SLC26A6: variants seen among roughly 807,000 people sequenced by gnomAD.
SLC26A6 encodes anion exchange transporter.
SLC26A6 carries 67 observed loss-of-function variants against 87.1 expected under a neutral mutation model. The observed-to-expected ratio is 0.77, with a 90% confidence interval of 0.63 to 0.94. The LOEUF is 0.94. Among genes scored for constraint, SLC26A6 ranks in the 40% least tolerant of loss-of-function variants. The probability of loss-of-function intolerance (pLI) is 0.00; values close to 1 mark genes in which losing one functional copy is unlikely to be tolerated. For missense variants in SLC26A6, 902 were observed against 973.0 expected, an observed-to-expected ratio of 0.93 and a Z score of 0.97; for synonymous variants, 414 against 405.9, an observed-to-expected ratio of 1.02 and a Z score of -0.24.
chr3:48,632,153 C>T (rs1004717726), intron 5 of SLC26A6, 92 bp downstream of exon 5: 27 of 1,576,840 alleles, frequency 1.7e-5, no homozygotes, highest in Non-Finnish European at 2.2e-5. Flanking sequence ...AAGAGGAGGA[C>T]GACGATGGTC....
Position 48,628,528 on chromosome 3 carries a change from A to G in SLC26A6, c.1706T>C (p.Val569Ala). The G allele has an allele frequency of 6.2e-7, 1 of 1,614,052 alleles. No individual in the cohort carries two copies. The highest frequency in any genetic ancestry group is 8.5e-7 in the Non-Finnish European group (1 of 1,179,982). Residue 569 changes from valine (V) to alanine (A), a missense_variant, in exon 16 of 21, where the codon GTC (valine) becomes GCC (alanine). Around this residue, in one of 3 missense-constraint regions of SLC26A6, gnomAD observed 800 missense variants for 856.8 expected, o/e 0.93. Transcript: ENST00000395550. This position sits in a 1 kb window ranked among gnomAD's most constrained non-coding sequence, Gnocchi z 4.4. The part of the protein sequence containing the change: ...DALKQRCGVD[V>A]DFLISQKKKL... The stretch of plus-strand genomic sequence containing the variant: ...CTTCTTCTGGGAGATGAGGAAGTCG[A>G]CATCCACACCACACTGGAGGCAAAC...
chr3:48,627,461 T>C (rs1440282891), intron 17 of SLC26A6: 2 of 203,034 alleles, frequency 9.9e-6, no homozygotes, highest in East Asian at 1.4e-4. Flanking sequence ...GCATCCTCTT[T>C]GACCCCTCAA....
Position 48,628,606 on chromosome 3 carries a change from G to A in SLC26A6, c.1692+16C>T. On this transcript the variant is annotated intron_variant, in intron 15 of 20. Transcript: ENST00000395550. This position sits in a 1 kb window ranked among gnomAD's most constrained non-coding sequence, Gnocchi z 4.4. Reference sequence around the variant, plus strand: ...GGAGCTGGGGCCTGACACCCATCCTGGGGACTCCGTCTCACCCTCTGCTTC... The same window carrying A: ...GGAGCTGGGGCCTGACACCCATCCTAGGGACTCCGTCTCACCCTCTGCTTC... 1 of 1,613,950 alleles carries A rather than the reference G, an allele frequency of 6.2e-7. No individual in the cohort carries two copies. Among genetic ancestry groups the A allele is most frequent in the Non-Finnish European group, 8.5e-7 (1 of 1,179,986 alleles).
Position 48,626,611 on chromosome 3 carries a change from G to A in SLC26A6, c.2128+20C>T, listed in dbSNP as rs752300074. On this transcript the variant is annotated intron_variant, in intron 19 of 20. Coordinates refer to ENST00000395550, the MANE Select transcript of SLC26A6 (RefSeq NM_022911.3). ...CCTACCCTCTTCCCAGGTCCCTCCT[G>A]CTGTTCCCACCCTACTCACTGTGGC... 1.2e-6 allele frequency: 2 copies of A among 1,614,086 alleles called. No homozygotes were observed. The highest frequency in any genetic ancestry group is 1.7e-5 in the Admixed American group (1 of 60,024).
chr3:48,625,910 G>A lies in SLC26A6; in HGVS notation c.*76C>T. 1.3e-6 allele frequency: 2 copies of A among 1,596,722 alleles called. No individual in the cohort carries two copies. The highest frequency in any genetic ancestry group is 1.7e-6 in the Non-Finnish European group (2 of 1,167,886). On this transcript the variant is annotated 3_prime_UTR_variant, in exon 21 of 21. Coordinates refer to ENST00000395550, the MANE Select transcript of SLC26A6 (RefSeq NM_022911.3). The surrounding 1 kb of genome is among the most constrained non-coding windows in gnomAD (Gnocchi z 4.7). Reference sequence around the variant, plus strand: ...GGGGACTCCTGGGTAGCACCTGGAGGCGGCCTAGGGGTGAGGGGCTTCTCA... The same window carrying A: ...GGGGACTCCTGGGTAGCACCTGGAGACGGCCTAGGGGTGAGGGGCTTCTCA...
chr3:48,627,121 G>A, intron 17 of SLC26A6, 66 bp from the exon 18 acceptor site: 5 of 1,556,582 alleles, frequency 3.2e-6, no homozygotes, highest in Non-Finnish European at 3.5e-6. Flanking sequence ...GCCGCACACA[G>A]ACACGCGAGA....
In SLC26A6 at chr3:48,632,260, C is replaced by T. The variant is rs752497725; in HGVS notation, c.570G>A (p.Leu190=). 2 of 1,605,588 alleles carry T rather than the reference C, an allele frequency of 1.2e-6. No homozygotes were observed. Among genetic ancestry groups the T allele is most frequent in the Admixed American group, 3.4e-5 (2 of 59,172 alleles). ...RVQVASTLSV[L]VGLFQVGLGL... is the part of the protein sequence containing the mutation. Reference sequence around the variant, plus strand: ...TGTTCCACACCTGGAAGAGGCCAACCAGGACACTGAGTGTGGAGGCCACCT... The same window carrying T: ...TGTTCCACACCTGGAAGAGGCCAACTAGGACACTGAGTGTGGAGGCCACCT... Residue 190 remains leucine (L), a synonymous_variant, in exon 5 of 21, where the codon CTG becomes CTA. Transcript: ENST00000395550.
Position 48,633,644 on chromosome 3 carries a change from G to A in SLC26A6, c.24-9C>T, listed in dbSNP as rs2046876497. The A allele has an allele frequency of 1.2e-6, 2 of 1,612,752 alleles. No individual in the cohort carries two copies. The highest frequency in any genetic ancestry group is 1.3e-5 in the African/African-American group (1 of 74,904). ...CCTGTGTGTCCCTCGGTCTGGGGTG[G>A]CAAGACCAGAGAGACACAGTGAAGG... On this transcript the variant is annotated splice_polypyrimidine_tract_variant and intron_variant, in intron 1 of 20. Coordinates refer to ENST00000395550, the MANE Select transcript of SLC26A6 (RefSeq NM_022911.3).
At chr3:48,634,945 T>C (rs2046913120) in intron 1 of SLC26A6, among the ~76,000 whole-genome samples, 1 of 152,164 alleles carries the variant, frequency 6.6e-6, no homozygotes, top group Admixed American at 6.5e-5. Context: ...GGCCCCTCCC[T>C]GTAGGAAGGC....
chr3:48,632,763 C>G (rs976097849), intron 4 of SLC26A6: 25 of 679,692 alleles, frequency 3.7e-5, no homozygotes, highest in Middle Eastern at 3.4e-4. Flanking sequence ...CTCTCATCTT[C>G]CTGGAGCCAG....
Position 48,633,333 on chromosome 3 carries a change from C to T in SLC26A6, c.240G>A (p.Trp80Ter). ...LLLQHLPVLVWLPRYPVRDWL... is the reference protein window; with the variant it reads ...LLLQHLPVLV Reference sequence around the variant, plus strand: ...AGTCACGCACAGGATACCGGGGTAACCAGACCAAAACCGGGAGGTGTTGGA... The same window carrying T: ...AGTCACGCACAGGATACCGGGGTAATCAGACCAAAACCGGGAGGTGTTGGA... Residue 80 changes from tryptophan to a stop codon, truncating the protein, a stop_gained, in exon 3 of 21, where the codon TGG becomes TGA. Transcript: ENST00000395550. LOFTEE classifies it high-confidence loss of function. The T allele has an allele frequency of 1.2e-6, 2 of 1,613,600 alleles. No individual in the cohort carries two copies. Among genetic ancestry groups the T allele is most frequent in the Non-Finnish European group, 8.5e-7 (1 of 1,180,018 alleles).
In SLC26A6 at chr3:48,626,268, C is replaced by T. The variant is rs762964914; in HGVS notation, c.2215G>A (p.Val739Ile). Residue 739 changes from valine (V) to isoleucine (I), a missense_variant, in exon 20 of 21, where the codon GTC (valine) becomes ATC (isoleucine). Val to Ile is a conservative substitution (Grantham distance 29). This residue lies in a region of SLC26A6 where 99 missense variants were observed against 100.1 expected (regional missense o/e 0.99). Coordinates refer to ENST00000395550, the MANE Select transcript of SLC26A6 (RefSeq NM_022911.3). The part of the protein sequence containing the change: ...KHLFASVHDA[V>I]TFALQHPRPV... The stretch of plus-strand genomic sequence containing the variant: ...CTCGGGTGTTGGAGGGCAAAGGTGA[C>T]AGCATCATGGACAGAGGCAAAGAGA... The T allele has an allele frequency of 2.5e-6, 4 of 1,614,052 alleles. No homozygotes were observed. The East Asian group carries it at 8.9e-5, about 36-fold the overall frequency.
At position 48,628,297 on chromosome 3, in the gene SLC26A6, C is replaced by T. The variant is rs566798309; in HGVS notation, c.1800+137G>A. On this transcript the variant is annotated intron_variant, in intron 16 of 20. Coordinates refer to ENST00000395550, the MANE Select transcript of SLC26A6 (RefSeq NM_022911.3). The surrounding 1 kb of genome is among the most constrained non-coding windows in gnomAD (Gnocchi z 4.4). Reference sequence around the variant, plus strand: ...GCCCGGACCTGCTAGGGGAGTGAAGCAGGGTCCCTGGGAGCATGAGGGAGA... The same window carrying T: ...GCCCGGACCTGCTAGGGGAGTGAAGTAGGGTCCCTGGGAGCATGAGGGAGA... The T allele has an allele frequency of 8.3e-7, 1 of 1,203,110 alleles. No individual in the cohort carries two copies. The highest frequency in any genetic ancestry group is 1.2e-6 in the Non-Finnish European group (1 of 854,678). The allele number at this position is 1,203,110 out of a possible 1,614,324, so 74.5% of individuals were successfully genotyped here.
In SLC26A6 at chr3:48,629,958, G is replaced by A. The variant is rs1446537270; in HGVS notation, c.1443C>T (p.Phe481=). The change falls in exon 13 of 21, where the codon TTC becomes TTT. Residue 481 remains phenylalanine (F), a synonymous_variant. Coordinates refer to ENST00000395550, the MANE Select transcript of SLC26A6 (RefSeq NM_022911.3). ...CCAGGTTCAGCAAGATGGTGGCCGT[G>A]AAGGTCACCAGCCAGATAAGCTGAG... ...RADLLIWLVT[F]TATILLNLDL... 1 of 1,614,148 alleles carries A rather than the reference G, an allele frequency of 6.2e-7. No individual in the cohort carries two copies. The highest frequency in any genetic ancestry group is 2.2e-5 in the East Asian group (1 of 44,890).
At position 48,633,630 on chromosome 3, in the gene SLC26A6, C is replaced by G; in HGVS notation, c.29G>C (p.Arg10Thr). 1 of 1,613,396 alleles carries G rather than the reference C, an allele frequency of 6.2e-7. No individual in the cohort carries two copies. The highest frequency in any genetic ancestry group is 8.5e-7 in the Non-Finnish European group (1 of 1,179,926). Reference sequence around the variant, plus strand: ...TGCAGACAGCAGTGCCTGTGTGTCCCTCGGTCTGGGGTGGCAAGACCAGAG... The same window carrying G: ...TGCAGACAGCAGTGCCTGTGTGTCCGTCGGTCTGGGGTGGCAAGACCAGAG... MGLADASGP[R>T]DTQALLSATQ... The change falls in exon 2 of 21, where the codon AGG becomes ACG. Residue 10 changes from arginine (R) to threonine (T), a missense_variant. Transcript: ENST00000395550.
rs1486146150 is a variant in SLC26A6 at position 48,628,168 on chromosome 3, C to G, written c.1801-130G>C. 1 of 889,788 alleles carries G rather than the reference C, an allele frequency of 1.1e-6. No homozygotes were observed. Among genetic ancestry groups the G allele is most frequent in the Non-Finnish European group, 1.7e-6 (1 of 585,268 alleles). 55.1% of individuals were successfully genotyped at this position (889,788 alleles called of 1,614,324 possible). A position where few individuals can be genotyped will look rare whatever the true frequency, so the allele number is the denominator to read the frequency against. On this transcript the variant is annotated intron_variant, in intron 16 of 20. Transcript: ENST00000395550. The surrounding 1 kb of genome is among the most constrained non-coding windows in gnomAD (Gnocchi z 4.4). ...CCAGGACCAGAAGCTGTGGGACCTG[C>G]AGCAGCCAGGCTGAAGCTCCTGGAA...
At position 48,628,380 on chromosome 3, in the gene SLC26A6, G is replaced by A. The variant is rs1208030883; in HGVS notation, c.1800+54C>T. ...GGAGTCGGGGGCCAGGAGAAAGGCTGGGGCAGGGAACAGGGGGCAGGAGAT... is the reference window on the plus strand; with the variant it reads ...GGAGTCGGGGGCCAGGAGAAAGGCTAGGGCAGGGAACAGGGGGCAGGAGAT... On this transcript the variant is annotated intron_variant, in intron 16 of 20. Coordinates refer to ENST00000395550, the MANE Select transcript of SLC26A6 (RefSeq NM_022911.3). This position sits in a 1 kb window ranked among gnomAD's most constrained non-coding sequence, Gnocchi z 4.4. The A allele has an allele frequency of 4.4e-6, 7 of 1,608,376 alleles. No individual in the cohort carries two copies. The highest frequency in any genetic ancestry group is 3.4e-5 in the Admixed American group (2 of 59,610).
At chr3:48,631,171 G>C in intron 8 of SLC26A6, 31 bp from the exon 9 acceptor site, 2 of 1,613,022 alleles carry the variant, frequency 1.2e-6, no homozygotes, top group South Asian at 2.2e-5. Context: ...GCCAAAGCAA[G>C]GTCCTGTCCT....
chr3:48,626,640 C>A lies in SLC26A6; in HGVS notation c.2119G>T (p.Ala707Ser). Reference protein sequence around the residue: ...REIEVEVYMAACHSPVVSQLE... With the variant: ...REIEVEVYMASCHSPVVSQLE... ...TTCCCACCCTACTCACTGTGGCAGG[C>A]CGCCATGTACACCTCCACCTCAATC... Residue 707 changes from alanine to serine, a missense_variant, in exon 19 of 21, where the codon GCC becomes TCC. Around this residue, in one of 3 missense-constraint regions of SLC26A6, gnomAD observed 99 missense variants for 100.1 expected, o/e 0.99. Coordinates refer to ENST00000395550, the MANE Select transcript of SLC26A6 (RefSeq NM_022911.3). The A allele has an allele frequency of 6.2e-7, 1 of 1,614,208 alleles. No individual in the cohort carries two copies. Among genetic ancestry groups the A allele is most frequent in the South Asian group, 1.1e-5 (1 of 91,082 alleles).
Sources: gnomAD v4.1 joint callset for allele counts (sites outside exome capture counted in the v4.1 genomes callset) on GRCh38, gnomAD v4.1.1 for gene constraint, gnomAD v4.1.1 regional missense constraint, Gnocchi (gnomAD v3.1) non-coding constraint, MANE v1.5 for transcripts, NCBI Gene and HGNC (gene_info 2026-07-23, HGNC 2026-07-21) for gene names.